TCERG1: variants seen among roughly 807,000 people sequenced by gnomAD.
TCERG1 encodes the protein transcription elongation regulator 1.
A neutral mutation model predicts 144.7 loss-of-function variants in TCERG1; 37 were observed. The observed-to-expected ratio is 0.26, with a 90% CI of 0.20 to 0.34. TCERG1 has a LOEUF of 0.34. Ranked by LOEUF, TCERG1 falls within the 10% of genes least tolerant of loss-of-function variation. TCERG1 has a pLI of 1.00. For synonymous variants in TCERG1, 492 were observed against 458.2 expected (o/e 1.07, Z -0.94); for missense variants, 1,027 against 1,380.7 (o/e 0.74, Z 4.06).
chr5:146,451,584 A>G (rs1762348283), intron 1 of TCERG1, among the ~76,000 whole-genome samples: 1 of 151,614 alleles, frequency 6.6e-6, no homozygotes, highest in Non-Finnish European at 1.5e-5. Context: ...TGGCTTCCCA[A>G]AGTGCTAGGA....
chr5:146,447,371 G>A lies in TCERG1; in HGVS notation c.22G>A (p.Gly8Arg), dbSNP rs768149746. Residue 8 changes from glycine to arginine, a missense_variant, in exon 1 of 23, where the codon GGG (glycine) becomes AGG (arginine). Gly to Arg is a moderately radical substitution (Grantham distance 125). Coordinates refer to ENST00000679501, the MANE Select transcript of TCERG1 (RefSeq NM_001382548.1). ...TGTAATGGCGGAGCGTGGCGGGGAC[G>A]GGGGCGAGAGTGAACGATTCAACCC... MAERGGD[G>R]GESERFNPGE... 10 of 1,611,096 alleles carry A rather than the reference G, an allele frequency of 6.2e-6. No individual in the cohort carries two copies. Among genetic ancestry groups the A allele is most frequent in the Non-Finnish European group, 7.6e-6 (9 of 1,178,968 alleles).
intron 9 of TCERG1, among the ~76,000 whole-genome samples, chr5:146,475,059 A>T (rs144650750): frequency 6.6e-6 from 1 of 152,070 alleles, no homozygotes; most frequent in Non-Finnish European, 1.5e-5. Context: ...TCCTGCTCCA[A>T]CTTATTTAAT....
intron 9 of TCERG1, among the ~76,000 whole-genome samples, 199 bp downstream of exon 9, chr5:146,471,775 T>A (rs1341197078): frequency 1.3e-5 from 2 of 152,100 alleles, no homozygotes; most frequent in Non-Finnish European, 2.9e-5. Flanking sequence ...ATTTTTGTAT[T>A]TTTAGTAGAG....
At chr5:146,463,862 G>T in intron 5 of TCERG1, 69 bp downstream of exon 5, 2 of 1,584,584 alleles carry the variant, frequency 1.3e-6, no homozygotes, top group Non-Finnish European at 1.7e-6. Flanking sequence ...GTTCTCATGT[G>T]TCTGTTGCGT....
chr5:146,491,257 G>C (rs928982494), intron 15 of TCERG1, among the ~76,000 whole-genome samples: 2 of 151,994 alleles, frequency 1.3e-5, no homozygotes, highest in African/African-American at 4.8e-5. Flanking sequence ...AGAGTGCTGG[G>C]ATTACAGGTG....
intron 5 of TCERG1, 47 bp from the exon 6 acceptor site, chr5:146,468,294 C>T (rs1004696319): frequency 6.9e-7 from 1 of 1,442,622 alleles, no homozygotes; most frequent in Non-Finnish European, 9.4e-7. Context: ...TGGTAGCCGA[C>T]ATACAATGGC....
chr5:146,451,157 T>A (rs1762305221), intron 1 of TCERG1, among the ~76,000 whole-genome samples: 1 of 152,090 alleles, frequency 6.6e-6, no homozygotes, highest in Non-Finnish European at 1.5e-5. Flanking sequence ...AAGAGTAGGG[T>A]ACATTATTAA....
rs4537099 is a variant in TCERG1, at chr5:146,452,035, A to G, written c.60-3021A>G. 4.2e-3 allele frequency among the ~76,000 whole-genome samples: 632 copies of G among 151,696 alleles called. 2 individuals carry two copies. Among genetic ancestry groups the G allele is most frequent in the African/African-American group, 0.014 (599 of 41,364 alleles). ...ACTCCTGGCTTCAAGTGATCTGCCCACCTCTGCCTCCCAAAGTGCTGAGAT... is the reference window on the plus strand; with the variant it reads ...ACTCCTGGCTTCAAGTGATCTGCCCGCCTCTGCCTCCCAAAGTGCTGAGAT... On this transcript the variant is annotated intron_variant, in intron 1 of 22. Transcript: ENST00000679501.
chr5:146,478,993 C>T (rs1026434891), intron 10 of TCERG1, among the ~76,000 whole-genome samples: 19 of 151,968 alleles, frequency 1.3e-4, no homozygotes, highest in Admixed American at 1.2e-3. Flanking sequence ...CCTTTTGTGA[C>T]TAGTAATATA....
chr5:146,510,174 AAG>A (rs971190351), intron 22 of TCERG1: 1 of 1,092,880 alleles, frequency 9.2e-7, no homozygotes, highest in African/African-American at 1.6e-5. Context: ...CAGCACGGGC[AAG>A]ATTTACCCAC....
intron 1 of TCERG1, among the ~76,000 whole-genome samples, chr5:146,451,334 T>G (rs1005300365): frequency 6.6e-6 from 1 of 151,720 alleles, no homozygotes; most frequent in Non-Finnish European, 1.5e-5. Context: ...TTTTTTTTTT[T>G]TCTTTTAAGA....
intron 6 of TCERG1, among the ~76,000 whole-genome samples, chr5:146,468,805 G>C (rs182099312): frequency 1.2e-3 from 179 of 152,086 alleles, no homozygotes; most frequent in African/African-American, 4.1e-3. Flanking sequence ...CATGTGTATA[G>C]TATACATTTA....
At chr5:146,482,824 A>T in intron 14 of TCERG1, 97 bp downstream of exon 14, 3 of 1,341,412 alleles carry the variant, frequency 2.2e-6, no homozygotes, top group Non-Finnish European at 2.9e-6. Context: ...TGCTCATGTT[A>T]TGGGGGGGGA....
Position 146,459,000 on chromosome 5 carries a change from T to TCAGGCC in TCERG1, c.561_566dup (p.Ala241_Gln242dup), listed in dbSNP as rs1763076254. On this transcript the variant is annotated inframe_insertion, in exon 4 of 23. Transcript: ENST00000679501. ...TTGCAGCCCAGGCACAGGTTCAGGC[T>TCAGGCC]CAGGCCCAGGCGCAGGCTCAGGCCC... 1 of 1,612,826 alleles carries TCAGGCC rather than the reference T, an allele frequency of 6.2e-7. No individual in the cohort carries two copies. Among genetic ancestry groups the TCAGGCC allele is most frequent in the East Asian group, 2.2e-5 (1 of 44,826 alleles).
chr5:146,460,760 G>C (rs991300300), intron 4 of TCERG1, among the ~76,000 whole-genome samples: 1 of 152,148 alleles, frequency 6.6e-6, no homozygotes, highest in Admixed American at 6.5e-5. Context: ...GGAATGTACT[G>C]AACAGGAAAA....
Position 146,459,033 on chromosome 5 carries a change from G to A in TCERG1, c.588G>A (p.Gln196=), listed in dbSNP as rs541669774. The part of the protein sequence containing the change: ...QAQAQAQAQA[Q]AQAQAQAQAQ... The stretch of plus-strand genomic sequence containing the variant: ...AGGCGCAGGCTCAGGCCCAGGCGCA[G>A]GCTCAGGCCCAGGCACAAGCTCAGG... Residue 196 remains glutamine, a synonymous_variant, in exon 4 of 23, where the codon CAG becomes CAA. Coordinates refer to ENST00000679501, the MANE Select transcript of TCERG1 (RefSeq NM_001382548.1). 37 of 1,609,744 alleles carry A rather than the reference G, an allele frequency of 2.3e-5. No individual in the cohort carries two copies. The highest frequency in any genetic ancestry group is 2.5e-5 in the Non-Finnish European group (29 of 1,176,992).
At chr5:146,474,980 ACTT>A (rs1443207660) in intron 9 of TCERG1, among the ~76,000 whole-genome samples, 4 of 151,996 alleles carry the variant, frequency 2.6e-5, no homozygotes, top group South Asian at 4.1e-4. Context: ...ACGCCTGTCT[ACTT>A]CTTTTTTTCT....
intron 9 of TCERG1, among the ~76,000 whole-genome samples, chr5:146,477,228 A>T (rs1480980937): frequency 6.7e-6 from 1 of 148,582 alleles, no homozygotes; most frequent in African/African-American, 2.5e-5. Context: ...CATTTATTTT[A>T]AGTGTGTTTT....
At chr5:146,509,827 A>G (rs1289518889) in intron 22 of TCERG1, among the ~76,000 whole-genome samples, 2 of 152,204 alleles carry the variant, frequency 1.3e-5, no homozygotes, top group Non-Finnish European at 2.9e-5. Context: ...ACAATTTCGC[A>G]TTGCTTACCA....
Sources: gnomAD v4.1 joint callset for allele counts (sites outside exome capture counted in the v4.1 genomes callset) on GRCh38, gnomAD v4.1.1 for gene constraint, MANE v1.5 for transcripts, NCBI Gene and HGNC (gene_info 2026-07-23, HGNC 2026-07-21) for gene names.